The following SFMBT1 variants were observed in gnomAD, a reference collection of about 807,000 sequenced individuals.
SFMBT1 encodes the protein scm-like with four MBT domains protein 1.
In SFMBT1, 32 loss-of-function variants were observed where a neutral mutation model predicts 108.7. The ratio of observed to expected loss-of-function variants is 0.29; its 90% CI spans 0.22 to 0.40. SFMBT1 has a LOEUF of 0.40. Ranked by LOEUF, SFMBT1 falls within the 10% of genes least tolerant of loss-of-function variation. The pLI is 1.00. For synonymous variants in SFMBT1, 348 were observed against 369.5 expected (o/e 0.94, Z 0.67); for missense variants, 816 against 1,059.6 (o/e 0.77, Z 3.19).
At chr3:52,934,756 A>G in intron 5 of SFMBT1, 57 bp downstream of exon 5, 2 of 1,422,708 alleles carry the variant, frequency 1.4e-6, no homozygotes, top group African/African-American at 1.4e-5. Context: ...CGATTTTAAG[A>G]TTCTTTGAAA....
rs1207282303 is a variant in SFMBT1, at chr3:52,916,702, C to CA, written c.1416-489dup. 1.7e-4 allele frequency among the ~76,000 whole-genome samples: 26 copies of CA among 150,528 alleles called. No individual in the cohort carries two copies. The East Asian group carries it at 2.4e-3, about 14-fold the overall frequency. ...CAAACAACAACAACAACAACAACAA[C>CA]AACAAAAAACTACAACAACAAAAAA... On this transcript the variant is annotated intron_variant, in intron 13 of 20. Transcript: ENST00000394752.
chr3:52,934,746 C>T (rs959728573), intron 5 of SFMBT1, 67 bp downstream of exon 5: 9 of 1,346,398 alleles, frequency 6.7e-6, no homozygotes, highest in Non-Finnish European at 6.2e-6. Context: ...AATAAGCAAC[C>T]GATTTTAAGA....
intron 1 of SFMBT1, among the ~76,000 whole-genome samples, chr3:53,021,535 C>G (rs1467980916): frequency 6.6e-6 from 1 of 152,194 alleles, no homozygotes; most frequent in Non-Finnish European, 1.5e-5. Flanking sequence ...AGACATACTC[C>G]TGGCTCAAGT....
intron 1 of SFMBT1, among the ~76,000 whole-genome samples, chr3:53,016,414 C>G (rs1699128043): frequency 6.6e-6 from 1 of 152,208 alleles, no homozygotes; most frequent in African/African-American, 2.4e-5. Context: ...CCAACCTTCC[C>G]AATGTGGTTG....
chr3:52,957,868 T>C (rs931851706), intron 2 of SFMBT1, among the ~76,000 whole-genome samples: 2 of 151,860 alleles, frequency 1.3e-5, no homozygotes, highest in East Asian at 1.9e-4. Context: ...TAGAAGAAAA[T>C]CTAGGCACTA....
chr3:53,016,294 A>G (rs895012594), intron 1 of SFMBT1, among the ~76,000 whole-genome samples: 1 of 152,214 alleles, frequency 6.6e-6, no homozygotes, highest in Non-Finnish European at 1.5e-5. Flanking sequence ...CATAGTCTTG[A>G]TCATGGATTG....
At chr3:52,966,497 C>T (rs531540418) in intron 2 of SFMBT1, among the ~76,000 whole-genome samples, 116 of 150,530 alleles carry the variant, frequency 7.7e-4, no homozygotes, top group Middle Eastern at 6.9e-3. Flanking sequence ...TGGTGGTGGG[C>T]GCCTGTAGTC....
intron 2 of SFMBT1, among the ~76,000 whole-genome samples, chr3:52,960,625 A>C (rs1703929305): frequency 6.6e-6 from 1 of 151,926 alleles, no homozygotes; most frequent in East Asian, 1.9e-4. Flanking sequence ...TGATCTATCT[A>C]TCTATCTATC....
intron 8 of SFMBT1, among the ~76,000 whole-genome samples, chr3:52,929,367 G>T (rs1237861285): frequency 6.6e-6 from 1 of 152,124 alleles, no homozygotes; most frequent in Non-Finnish European, 1.5e-5. Flanking sequence ...AGCCTCCCGA[G>T]CAGCTGGGAT....
chr3:53,004,205 C>T (rs1698658658), intron 1 of SFMBT1, among the ~76,000 whole-genome samples: 1 of 147,806 alleles, frequency 6.8e-6, no homozygotes, highest in Admixed American at 6.9e-5. Context: ...TTCCTTCTTC[C>T]CTTCCTTCCT....
At chr3:53,017,915 A>G (rs1313213587) in intron 1 of SFMBT1, among the ~76,000 whole-genome samples, 1 of 152,192 alleles carries the variant, frequency 6.6e-6, no homozygotes, top group Non-Finnish European at 1.5e-5. Flanking sequence ...GTCTATGCAT[A>G]CTTAGAAAAT....
rs367727549 is a variant in SFMBT1 at position 52,945,136 on chromosome 3, T to TAAAAAAAAAAAAAAAAAAAAAAAAAAAAA, written c.124-1544_124-1543insTTTTTTTTTTTTTTTTTTTTTTTTTTTTT. On this transcript the variant is annotated intron_variant, in intron 3 of 20. Coordinates refer to ENST00000394752, the MANE Select transcript of SFMBT1 (RefSeq NM_016329.4). ...TGATTTCCAAATACCACCTTCCAAT[T>TAAAAAAAAAAAAAAAAAAAAAAAAAAAAA]AAAAAAAAAAAAAAACAAGGACTTC... Among the ~76,000 whole-genome samples, 71 of 48,468 alleles carry TAAAAAAAAAAAAAAAAAAAAAAAAAAAAA rather than the reference T, an allele frequency of 1.5e-3. 13 individuals are homozygous for TAAAAAAAAAAAAAAAAAAAAAAAAAAAAA. The highest frequency in any genetic ancestry group is 1.9e-3 in the Non-Finnish European group (43 of 22,166). 31.8% of individuals were successfully genotyped at this position (48,468 alleles called of 152,430 possible).
intron 4 of SFMBT1, among the ~76,000 whole-genome samples, chr3:52,936,635 T>C (rs1703015935): frequency 6.6e-6 from 1 of 152,166 alleles, no homozygotes; most frequent in South Asian, 2.1e-4. Context: ...CCTGACCTAG[T>C]GCAGGACTCA....
chr3:52,930,889 T>G, intron 7 of SFMBT1, 52 bp downstream of exon 7: 3 of 1,502,504 alleles, frequency 2.0e-6, no homozygotes, highest in Non-Finnish European at 1.9e-6. Flanking sequence ...CTGCGTTGCT[T>G]TACTCTACTG....
intron 4 of SFMBT1, among the ~76,000 whole-genome samples, chr3:52,942,703 C>T (rs1023543742): frequency 6.6e-6 from 1 of 152,114 alleles, no homozygotes; most frequent in Non-Finnish European, 1.5e-5. Context: ...TTAGTAGAGA[C>T]GGGGTTTTGC....
rs59502728 is a variant in SFMBT1 at position 53,041,698 on chromosome 3, C to CAAAAAAA, written c.-131+4111_-131+4117dup. 2.9e-4 allele frequency among the ~76,000 whole-genome samples: 13 copies of CAAAAAAA among 44,128 alleles called. 1 individual carries two copies. Among genetic ancestry groups the CAAAAAAA allele is most frequent in the East Asian group, 2.2e-3 (3 of 1,356 alleles). 28.9% of individuals were successfully genotyped at this position (44,128 alleles called of 152,430 possible). ...GGGCAACAAGAGTAAAAGTCTGTCT[C>CAAAAAAA]AAAAAAAAAAAAAAAAAAAAAAAAA... On this transcript the variant is annotated intron_variant, in intron 1 of 20. Transcript: ENST00000394752.
chr3:53,029,386 A>C (rs1243884282), intron 1 of SFMBT1, among the ~76,000 whole-genome samples: 3 of 152,176 alleles, frequency 2.0e-5, no homozygotes, highest in Non-Finnish European at 4.4e-5. Flanking sequence ...TTGGGCTACA[A>C]AGGCATATAC....
At chr3:53,016,447 G>A (rs147156626) in intron 1 of SFMBT1, among the ~76,000 whole-genome samples, 6 of 152,308 alleles carry the variant, frequency 3.9e-5, no homozygotes, top group Non-Finnish European at 7.3e-5. Flanking sequence ...TACCACAAGC[G>A]TGAATAACAG....
intron 3 of SFMBT1, among the ~76,000 whole-genome samples, chr3:52,944,879 G>A (rs1264537282): frequency 6.6e-6 from 1 of 151,776 alleles, no homozygotes; most frequent in East Asian, 1.9e-4. Flanking sequence ...GTGCAGTGGT[G>A]CAATCTCGGC....
Sources: gnomAD v4.1 joint callset for allele counts (sites outside exome capture counted in the v4.1 genomes callset) on GRCh38, gnomAD v4.1.1 for gene constraint, MANE v1.5 for transcripts, NCBI Gene and HGNC (gene_info 2026-07-23, HGNC 2026-07-21) for gene names.